The following AGTPBP1 variants were observed in gnomAD, a reference collection of about 807,000 sequenced individuals.
AGTPBP1 encodes the protein cytosolic carboxypeptidase 1.
AGTPBP1 carries 70 observed loss-of-function variants against 143.9 expected under a neutral mutation model. That is an observed-to-expected ratio of 0.49 (90% CI 0.40 to 0.59). The LOEUF (loss-of-function observed/expected upper bound fraction) is 0.59. Ranked by LOEUF, AGTPBP1 falls within the 20% of genes least tolerant of loss-of-function variation. The pLI is 0.00. For synonymous variants in AGTPBP1, 463 were observed against 500.2 expected, an observed-to-expected ratio of 0.93 and a Z score of 0.99; for missense variants, 1,229 against 1,464.5, an observed-to-expected ratio of 0.84 and a Z score of 2.62.
chr9:85,585,567 G>C lies in AGTPBP1; in HGVS notation c.3061C>G (p.Arg1021Gly). 2 of 1,605,580 alleles carry C rather than the reference G, an allele frequency of 1.2e-6. No homozygotes were observed. Among genetic ancestry groups the C allele is most frequent in the Non-Finnish European group, 1.7e-6 (2 of 1,176,066 alleles). ...LVYCDYHGHS[R>G]KKNVFMYGCS... ...CCATACATAAATACATTCTTCTTTC[G>C]GGAATGGCCATGATAATCACAATAA... is the stretch of plus-strand genomic sequence containing the variant. The change falls in exon 23 of 26, where the codon CGA (arginine) becomes GGA (glycine). Residue 1021 changes from arginine (R) to glycine (G), a missense_variant. Physicochemically the swap from Arg to Gly is moderately radical, Grantham distance 125. Transcript: ENST00000357081.
At chr9:85,619,545 C>A (rs1318512804) in intron 15 of AGTPBP1, among the ~76,000 whole-genome samples, 5 of 152,094 alleles carry the variant, frequency 3.3e-5, no homozygotes, top group African/African-American at 1.2e-4. Flanking sequence ...TTTTGCCTCA[C>A]TGAATGCATG....
chr9:85,787,278 A>G, the AGTPBP1 span, among the ~76,000 whole-genome samples: 47 of 152,226 alleles, frequency 3.1e-4, no homozygotes, highest in African/African-American at 1.1e-3. Flanking sequence ...TCATTATGTT[A>G]CTAAAACTGG....
chr9:85,779,402 T>C, the AGTPBP1 span, among the ~76,000 whole-genome samples: 1 of 152,056 alleles, frequency 6.6e-6, no homozygotes, highest in Non-Finnish European at 1.5e-5. Flanking sequence ...GTCTCGAAAC[T>C]GAAGAGCTTA....
chr9:85,556,331 A>G (rs541425409), intron 25 of AGTPBP1, among the ~76,000 whole-genome samples: 40 of 152,308 alleles, frequency 2.6e-4, no homozygotes, highest in African/African-American at 9.4e-4. Context: ...GAGTACCAGT[A>G]AAAGAACAGC....
intron 17 of AGTPBP1, among the ~76,000 whole-genome samples, chr9:85,614,136 C>T (rs1022856815): frequency 3.3e-5 from 5 of 151,862 alleles, no homozygotes; most frequent in Admixed American, 2.0e-4. Flanking sequence ...GCAACATTCC[C>T]ATTGAAGTTA....
At chr9:85,702,385 G>A (rs553999275) in intron 2 of AGTPBP1, among the ~76,000 whole-genome samples, 26 of 152,138 alleles carry the variant, frequency 1.7e-4, no homozygotes, top group Non-Finnish European at 2.9e-4. Context: ...GTGTTTTACT[G>A]TGCTTTTATA....
At chr9:85,652,480 C>T (rs1440435425) in intron 11 of AGTPBP1, among the ~76,000 whole-genome samples, 1 of 152,084 alleles carries the variant, frequency 6.6e-6, no homozygotes, top group African/African-American at 2.4e-5. Flanking sequence ...CCACTGCACT[C>T]CAGCCTGAAG....
chr9:85,760,476 A>C, the AGTPBP1 span, among the ~76,000 whole-genome samples: 2 of 152,384 alleles, frequency 1.3e-5, no homozygotes, highest in Admixed American at 1.3e-4. Context: ...TACGCAAATC[A>C]ATAAATGTAA....
intron 17 of AGTPBP1, among the ~76,000 whole-genome samples, chr9:85,606,292 T>C (rs1406573957): frequency 1.3e-5 from 2 of 151,272 alleles, no homozygotes; most frequent in African/African-American, 4.9e-5. Flanking sequence ...CCAACAGGCA[T>C]ATGAAAAAAT....
intron 2 of AGTPBP1, among the ~76,000 whole-genome samples, chr9:85,706,229 T>C (rs1017020017): frequency 3.3e-5 from 5 of 150,960 alleles, no homozygotes; most frequent in African/African-American, 9.7e-5. Context: ...AGAAAATAAA[T>C]AGGCCAGGCA....
chr9:85,585,525 T>C lies in AGTPBP1; in HGVS notation c.3103A>G (p.Thr1035Ala), dbSNP rs770563626. 6.2e-7 allele frequency: 1 copy of C among 1,611,950 alleles called. No homozygotes were observed. The highest frequency in any genetic ancestry group is 1.1e-5 in the South Asian group (1 of 90,724). ...VFMYGCSIKE[T>A]VWHTNDNATS... ...GCATTATCATTGGTATGCCACACTG[T>C]CTCTTTGATGCTGCAACCATACATA... is the stretch of plus-strand genomic sequence containing the variant. Residue 1035 changes from threonine to alanine, a missense_variant, in exon 23 of 26, where the codon ACA (threonine) becomes GCA (alanine). By Grantham distance (58) the Thr-to-Ala change is moderately conservative (BLOSUM62 0). This residue lies in a region of AGTPBP1 where 486 missense variants were observed against 652.3 expected (regional missense o/e 0.75). Transcript: ENST00000357081.
At chr9:85,686,878 A>G (rs1461200381) in intron 3 of AGTPBP1, among the ~76,000 whole-genome samples, 2 of 152,190 alleles carry the variant, frequency 1.3e-5, no homozygotes, top group African/African-American at 4.8e-5. Context: ...CAAAACAATT[A>G]GCAAAATGGC....
chr9:85,646,592 CA>C (rs1470944561), intron 11 of AGTPBP1, among the ~76,000 whole-genome samples, 174 bp from the exon 12 acceptor site: 2 of 152,148 alleles, frequency 1.3e-5, no homozygotes, highest in Non-Finnish European at 2.9e-5. Context: ...CCCATGGGAC[CA>C]TATAAGAAAG....
At chr9:85,751,029 C>A in the AGTPBP1 span, among the ~76,000 whole-genome samples, 1 of 152,218 alleles carries the variant, frequency 6.6e-6, no homozygotes, top group Non-Finnish European at 1.5e-5. Flanking sequence ...GCTCTTTCAG[C>A]AAGGCTGGGC....
intron 11 of AGTPBP1, among the ~76,000 whole-genome samples, chr9:85,654,028 AAAT>A (rs1833334232): frequency 6.6e-6 from 1 of 152,212 alleles, no homozygotes; most frequent in East Asian, 1.9e-4. Context: ...CATATTTTAA[AAAT>A]AAAATCATAA....
chr9:85,657,726 CA>C lies in AGTPBP1; in HGVS notation c.701-84del, dbSNP rs1833614879. On this transcript the variant is annotated intron_variant, in intron 9 of 25. Transcript: ENST00000357081. ...AATAATCAAATTTAAAATATTACCT[CA>C]ATATTGTGATGGATACTTATAATTC... is the stretch of plus-strand genomic sequence containing the variant. 15 of 933,582 alleles carry C rather than the reference CA, an allele frequency of 1.6e-5. No homozygotes were observed. In the South Asian group the frequency reaches 2.7e-4, roughly 17 times the overall value. The allele number at this position is 933,582 out of a possible 1,614,324, so 57.8% of individuals were successfully genotyped here.
At chr9:85,770,207 T>A in the AGTPBP1 span, 1 of 953,584 alleles carries the variant, frequency 1.0e-6, no homozygotes, top group Non-Finnish European at 1.6e-6. Context: ...ACTCAAATAG[T>A]TTAGTAGTAT....
chr9:85,704,526 A>G (rs960010739), intron 2 of AGTPBP1, among the ~76,000 whole-genome samples: 2 of 152,236 alleles, frequency 1.3e-5, no homozygotes, highest in African/African-American at 4.8e-5. Flanking sequence ...TAACCTCAGT[A>G]GTAAGGAATA....
intron 1 of AGTPBP1, among the ~76,000 whole-genome samples, chr9:85,716,407 A>T (rs1837708630): frequency 6.6e-6 from 1 of 152,110 alleles, no homozygotes; most frequent in South Asian, 2.1e-4. Flanking sequence ...TAATTACTCA[A>T]CATTTCCACT....
Sources: gnomAD v4.1 joint callset for allele counts (sites outside exome capture counted in the v4.1 genomes callset) on GRCh38, gnomAD v4.1.1 for gene constraint, gnomAD v4.1.1 regional missense constraint, MANE v1.5 for transcripts, NCBI Gene and HGNC (gene_info 2026-07-23, HGNC 2026-07-21) for gene names.